The following DSCAM variants were observed in gnomAD, a reference collection of about 807,000 sequenced individuals.
DSCAM encodes the protein DS cell adhesion molecule.
Under a neutral mutation model 217.7 loss-of-function variants are expected in DSCAM, and 47 were observed. The ratio of observed to expected loss-of-function variants is 0.22; its 90% confidence interval spans 0.17 to 0.28. The LOEUF is 0.28. DSCAM is among the 10% of genes least tolerant of loss of function. The pLI, the probability that DSCAM is intolerant of heterozygous loss-of-function variation, is 1.00. For missense variants in DSCAM, 2,080 were observed against 2,618.3 expected, an observed-to-expected ratio of 0.79 and a Z score of 4.49; for synonymous variants, 1,056 against 1,015.3, an observed-to-expected ratio of 1.04 and a Z score of -0.76.
chr21:40,512,742 C>T (rs2076269748), intron 3 of DSCAM, among the ~76,000 whole-genome samples: 1 of 151,990 alleles, frequency 6.6e-6, no homozygotes, highest in Non-Finnish European at 1.5e-5. Context: ...GTGCTCTGAC[C>T]TCCCTCGTTC....
chr21:40,105,866 G>T (rs963673119), intron 20 of DSCAM, among the ~76,000 whole-genome samples: 2 of 152,304 alleles, frequency 1.3e-5, no homozygotes, highest in African/African-American at 2.4e-5. Context: ...AGATAATCAT[G>T]TAGTTTTTGT....
chr21:40,642,042 CAAAA>C (rs67361149), intron 3 of DSCAM, among the ~76,000 whole-genome samples: 3 of 89,232 alleles, frequency 3.4e-5, no homozygotes, highest in Admixed American at 1.2e-4. Context: ...GACTCTGTCT[CAAAA>C]AAAAAAAAAA....
intron 3 of DSCAM, among the ~76,000 whole-genome samples, chr21:40,647,960 G>T (rs1044390741): frequency 6.6e-6 from 1 of 152,148 alleles, no homozygotes; most frequent in Non-Finnish European, 1.5e-5. Context: ...TGCTGCATAG[G>T]GGGAGGGAGA....
intron 3 of DSCAM, among the ~76,000 whole-genome samples, chr21:40,372,279 T>C (rs1376358842): frequency 2.6e-5 from 4 of 152,258 alleles, no homozygotes; most frequent in Non-Finnish European, 4.4e-5. Flanking sequence ...ATGGGATTAA[T>C]GGATGTGCTT....
chr21:40,295,667 A>G (rs2073946464), intron 10 of DSCAM, among the ~76,000 whole-genome samples: 1 of 152,228 alleles, frequency 6.6e-6, no homozygotes, highest in African/African-American at 2.4e-5. Context: ...ATACTGGGGA[A>G]ATAGTTTTCC....
At chr21:40,366,170 T>C (rs2074830430) in intron 4 of DSCAM, among the ~76,000 whole-genome samples, 1 of 152,196 alleles carries the variant, frequency 6.6e-6, no homozygotes, top group African/African-American at 2.4e-5. Context: ...TTTTAATATG[T>C]AGTCATTATG....
intron 20 of DSCAM, among the ~76,000 whole-genome samples, chr21:40,102,817 A>G (rs9647186): frequency 0.1 from 15,259 of 152,180 alleles, 833 homozygotes; most frequent in Non-Finnish European, 0.13. Context: ...AGTCCTCTCA[A>G]TCAGGGGCTA....
intron 11 of DSCAM, among the ~76,000 whole-genome samples, chr21:40,199,859 G>A (rs1199614246): frequency 6.6e-6 from 1 of 151,924 alleles, no homozygotes; most frequent in African/African-American, 2.4e-5. Context: ...GTTGATGGGT[G>A]CAGCAAACCA....
At chr21:40,477,287 A>T (rs963799400) in intron 3 of DSCAM, among the ~76,000 whole-genome samples, 1 of 152,220 alleles carries the variant, frequency 6.6e-6, no homozygotes, top group Non-Finnish European at 1.5e-5. Flanking sequence ...AATTGATCTA[A>T]CAAAAGATAA....
At chr21:40,235,468 T>C (rs1296717656) in intron 11 of DSCAM, among the ~76,000 whole-genome samples, 6 of 152,192 alleles carry the variant, frequency 3.9e-5, no homozygotes, top group African/African-American at 1.4e-4. Flanking sequence ...GCTACTTCGG[T>C]CTGTGTAGGG....
At chr21:40,834,469 A>G (rs1435750051) in intron 1 of DSCAM, among the ~76,000 whole-genome samples, 5 of 145,774 alleles carry the variant, frequency 3.4e-5, no homozygotes, top group Non-Finnish European at 6.0e-5. Flanking sequence ...TAATAATAAT[A>G]GTTGCCCAGT....
In DSCAM at chr21:40,187,991, T is replaced by C. The variant is rs372348056; in HGVS notation, c.2554-4A>G. The C allele has an allele frequency of 9.9e-6, 16 of 1,609,886 alleles. No individual in the cohort carries two copies. Among genetic ancestry groups the C allele is most frequent in the Non-Finnish European group, 1.4e-5 (16 of 1,177,536 alleles). ...CTTCTCTCACAGTTGGCAAAATCTA[T>C]GTGTAAAGCAGAAAGAAATTCATCT... is the stretch of plus-strand genomic sequence containing the variant. On this transcript the variant is annotated splice_region_variant and splice_polypyrimidine_tract_variant and intron_variant, in intron 12 of 32. Coordinates refer to ENST00000400454, the MANE Select transcript of DSCAM (RefSeq NM_001389.5).
intron 3 of DSCAM, among the ~76,000 whole-genome samples, chr21:40,652,347 CAAA>C (rs56384103): frequency 0.22 from 31,312 of 142,670 alleles, 3,642 homozygotes; most frequent in South Asian, 0.29. Context: ...ACAACAACAA[CAAA>C]AAAAAAAAAA....
At chr21:40,713,514 T>A (rs2090805999) in intron 1 of DSCAM, among the ~76,000 whole-genome samples, 1 of 152,122 alleles carries the variant, frequency 6.6e-6, no homozygotes, top group South Asian at 2.1e-4. Flanking sequence ...TACCTTAGAG[T>A]GCACATGGCA....
chr21:40,759,253 A>G (rs1340445374), intron 1 of DSCAM, among the ~76,000 whole-genome samples: 1 of 151,980 alleles, frequency 6.6e-6, no homozygotes, highest in Non-Finnish European at 1.5e-5. Flanking sequence ...ACGTGCTCCA[A>G]GCCTATCCTG....
At chr21:40,769,012 C>G (rs2091421264) in intron 1 of DSCAM, among the ~76,000 whole-genome samples, 1 of 152,154 alleles carries the variant, frequency 6.6e-6, no homozygotes, top group Admixed American at 6.5e-5. Flanking sequence ...AGTATGGTGA[C>G]TAAAATATTA....
Position 40,559,383 on chromosome 21 carries a change from G to GT in DSCAM, c.508+133426_508+133427insA, listed in dbSNP as rs1477927757. On this transcript the variant is annotated intron_variant, in intron 3 of 32. Coordinates refer to ENST00000400454, the MANE Select transcript of DSCAM (RefSeq NM_001389.5). ...TGAGGCAGAAGAATAGCGTAAACCC[G>GT]GGGGGTGGAGCTTGCAGTGCGCTGA... Among the ~76,000 whole-genome samples, 3 of 151,872 alleles carry GT rather than the reference G, an allele frequency of 2.0e-5. No homozygotes were observed. In the South Asian group the frequency reaches 6.2e-4, roughly 32 times the overall value.
rs896071123 is a variant in DSCAM at position 40,195,243 on chromosome 21, T to C, written c.2357-6005A>G. On this transcript the variant is annotated intron_variant, in intron 11 of 32. Coordinates refer to ENST00000400454, the MANE Select transcript of DSCAM (RefSeq NM_001389.5). ...TGATATTAAAGACTGGTTCCAAACT[T>C]TACTCTCAAGTCTTTTAATGACTCT... Among the ~76,000 whole-genome samples the C allele has an allele frequency of 3.3e-5, 5 of 152,298 alleles. No homozygotes were observed. The Middle Eastern group carries it at 0.01, about 311-fold the overall frequency.
At chr21:40,254,639 C>T (rs1012726908) in intron 11 of DSCAM, among the ~76,000 whole-genome samples, 3 of 152,152 alleles carry the variant, frequency 2.0e-5, no homozygotes, top group Non-Finnish European at 2.9e-5. Flanking sequence ...CCCCAGCCAC[C>T]TTGGAAGGGC....
Sources: allele counts gnomAD v4.1 joint callset (sites outside exome capture counted in the v4.1 genomes callset), GRCh38; gene constraint gnomAD v4.1.1; transcripts MANE v1.5; gene names NCBI Gene and HGNC (gene_info 2026-07-23, HGNC 2026-07-21).